The following TLR5 variants were observed in gnomAD, a reference collection of about 807,000 sequenced individuals.
The protein encoded by TLR5 is toll-like receptor 5.
For synonymous variants in TLR5, 373 were observed against 384.4 expected (o/e 0.97, Z 0.35); for missense variants, 944 against 999.8 (o/e 0.94, Z 0.75).
chr1:223,114,403 G>C (rs1314976015), intron 5 of TLR5, among the ~76,000 whole-genome samples: 1 of 152,196 alleles, frequency 6.6e-6, no homozygotes, highest in East Asian at 1.9e-4. Flanking sequence ...AAAGGCCTCT[G>C]TTGGAAGGTA....
intron 5 of TLR5, among the ~76,000 whole-genome samples, chr1:223,113,391 A>C (rs1336094935): frequency 6.6e-6 from 1 of 152,018 alleles, no homozygotes; most frequent in African/African-American, 2.4e-5. Flanking sequence ...TTTTTAGTAG[A>C]AATGGGGTTT....
In TLR5 at chr1:223,111,952, A is replaced by G. The variant is rs766561218; in HGVS notation, c.1080T>C (p.Pro360=). ...ELYSSNFYGL[P]KVAYIDLQKN... is the part of the protein sequence containing the mutation. ...TTTGCAAATCAATGTAGGCTACCTT[A>G]GGTAGTCCATAGAAATTCGAACTGT... Residue 360 remains proline, a synonymous_variant, in exon 6 of 6, where the codon CCT becomes CCC. Coordinates refer to ENST00000642603, the MANE Select transcript of TLR5 (RefSeq NM_003268.6). The G allele has an allele frequency of 3.1e-6, 5 of 1,614,086 alleles. No homozygotes were observed. The African/African-American group carries it at 5.3e-5, about 17-fold the overall frequency.
Position 223,110,681 on chromosome 1 carries a change from T to G in TLR5, c.2351A>C (p.Asn784Thr). The G allele has an allele frequency of 6.2e-7, 1 of 1,614,198 alleles. No homozygotes were observed. The highest frequency in any genetic ancestry group is 8.5e-7 in the Non-Finnish European group (1 of 1,180,022). ...AACCACCACCATGATGAGAGCACTG[T>G]TAAGGTCAGATAAGCACCTGCCCTG... ...YAQGRCLSDL[N>T]SALIMVVVGS... The change falls in exon 6 of 6, where the codon AAC becomes ACC. Residue 784 changes from asparagine to threonine, a missense_variant. Physicochemically the swap from Asn to Thr is moderately conservative, Grantham distance 65. Transcript: ENST00000642603.
chr1:223,117,882 C>CT (rs1429571542), intron 5 of TLR5, among the ~76,000 whole-genome samples: 4 of 152,176 alleles, frequency 2.6e-5, no homozygotes, highest in African/African-American at 9.6e-5. Context: ...TTATTCTGAG[C>CT]TAAATATGAG....
rs376645434 is a variant in TLR5, at chr1:223,111,403, G to C, written c.1629C>G (p.His543Gln). The change falls in exon 6 of 6, where the codon CAC (histidine) becomes CAG (glutamine). Residue 543 changes from histidine (H) to glutamine (Q), a missense_variant. His to Gln is a conservative substitution (Grantham distance 24). Coordinates refer to ENST00000642603, the MANE Select transcript of TLR5 (RefSeq NM_003268.6). ...TCTCTAAATTAGCAGGTAAATCATT[G>C]TGAGAAAGAACTGTCAGCCTGTTGG... is the stretch of plus-strand genomic sequence containing the variant. ...LNSNRLTVLS[H>Q]NDLPANLEIL... The C allele has an allele frequency of 8.7e-6, 14 of 1,614,190 alleles. No individual in the cohort carries two copies. Among genetic ancestry groups the C allele is most frequent in the Non-Finnish European group, 1.2e-5 (14 of 1,180,028 alleles).
chr1:223,115,715 A>C (rs1352724038), intron 5 of TLR5, among the ~76,000 whole-genome samples: 1 of 152,196 alleles, frequency 6.6e-6, no homozygotes, highest in East Asian at 1.9e-4. Context: ...AAAGTGGGAA[A>C]AAGGAGATGG....
intron 5 of TLR5, among the ~76,000 whole-genome samples, chr1:223,121,581 C>T (rs143508207): frequency 6.9e-4 from 105 of 152,274 alleles, no homozygotes; most frequent in African/African-American, 2.4e-3. Flanking sequence ...TGCAGTGGTG[C>T]GATTACAGCT....
At chr1:223,119,953 T>C (rs1407877336) in intron 5 of TLR5, among the ~76,000 whole-genome samples, 1 of 62,876 alleles carries the variant, frequency 1.6e-5, no homozygotes, top group Non-Finnish European at 2.6e-5. Context: ...GTCTCAAAAA[T>C]AAAATAAAAT....
chr1:223,122,591 G>A (rs1402093362), intron 5 of TLR5, among the ~76,000 whole-genome samples: 1 of 152,194 alleles, frequency 6.6e-6, no homozygotes, highest in Non-Finnish European at 1.5e-5. Context: ...CTTATAGTAT[G>A]AAGTAGATTC....
chr1:223,139,035 C>T (rs1048657815), intron 2 of TLR5, among the ~76,000 whole-genome samples: 1 of 152,226 alleles, frequency 6.6e-6, no homozygotes, highest in East Asian at 1.9e-4. Flanking sequence ...ACTTTGCTCC[C>T]CCTTGCCTTC....
chr1:223,116,282 G>A (rs1235108343), intron 5 of TLR5, among the ~76,000 whole-genome samples: 3 of 152,188 alleles, frequency 2.0e-5, no homozygotes, highest in Non-Finnish European at 4.4e-5. Flanking sequence ...TCCTTCTGAT[G>A]TTTGGACGTG....
At position 223,111,851 on chromosome 1, in the gene TLR5, T is replaced by C; in HGVS notation, c.1181A>G (p.Asn394Ser). Residue 394 changes from asparagine to serine, a missense_variant, in exon 6 of 6, where the codon AAT becomes AGT. By Grantham distance (46) the Asn-to-Ser change is conservative. Transcript: ENST00000642603. ...EKLQTLDLRD[N>S]ALTTIHFIPS... ...AATAAAATGAATGGTTGTAAGAGCA[T>C]TGTCTCGGAGATCCAAGGTCTGTAA... 6.2e-7 allele frequency: 1 copy of C among 1,613,938 alleles called. No homozygotes were observed.
At chr1:223,126,050 C>T (rs565125629) in intron 5 of TLR5, among the ~76,000 whole-genome samples, 12 of 152,330 alleles carry the variant, frequency 7.9e-5, no homozygotes, top group African/African-American at 2.9e-4. Context: ...GATATTTGCA[C>T]ACCAATATTC....
intron 3 of TLR5, among the ~76,000 whole-genome samples, chr1:223,136,503 G>T (rs1474692433): frequency 6.6e-6 from 1 of 152,190 alleles, no homozygotes; most frequent in East Asian, 1.9e-4. Flanking sequence ...ATCTGTGCAT[G>T]CTAGAGATTC....
Position 223,112,006 on chromosome 1 carries a change from A to G in TLR5, c.1026T>C (p.Asn342=). The part of the protein sequence containing the change: ...FYGLDNLQVL[N]LSYNLLGELY... The stretch of plus-strand genomic sequence containing the variant: ...GTTCCCCCAGAAGGTTATATGACAA[A>G]TTGAGAACTTGGAGGTTGTCAAGTC... The change falls in exon 6 of 6, where the codon AAT becomes AAC. Residue 342 remains asparagine, a synonymous_variant. Transcript: ENST00000642603. 1.2e-6 allele frequency: 2 copies of G among 1,614,228 alleles called. No individual in the cohort carries two copies. The highest frequency in any genetic ancestry group is 1.7e-6 in the Non-Finnish European group (2 of 1,180,040).
intron 5 of TLR5, among the ~76,000 whole-genome samples, chr1:223,115,089 C>A (rs1203415362): frequency 6.6e-6 from 1 of 152,182 alleles, no homozygotes; most frequent in African/African-American, 2.4e-5. Context: ...CCTCTTTGTA[C>A]AGGGCCCTTC....
chr1:223,123,186 C>T (rs1478613451), intron 5 of TLR5, among the ~76,000 whole-genome samples: 1 of 152,194 alleles, frequency 6.6e-6, no homozygotes, highest in African/African-American at 2.4e-5. Context: ...AAATTCTCAT[C>T]TCATGAAACC....
At chr1:223,127,926 G>A (rs1279215449) in intron 5 of TLR5, 4 of 152,528 alleles carry the variant, frequency 2.6e-5, no homozygotes, top group East Asian at 3.9e-4. Context: ...TGGGCTTAGC[G>A]AGCAATGCAA....
In TLR5 at chr1:223,109,471, C is replaced by CCA. The variant is rs1656215397; in HGVS notation, c.*983_*984insTG. 1 of 151,782 alleles carries CCA rather than the reference C, an allele frequency of 6.6e-6. No homozygotes were observed. The highest frequency in any genetic ancestry group is 6.6e-5 in the Admixed American group (1 of 15,244). 9.4% of individuals were successfully genotyped at this position (151,782 alleles called of 1,614,324 possible). Reference sequence around the variant, plus strand: ...CTTCAGTGAAATTGCAACTGCCCCCCAGGAGGCCTTCAGTGTATGTGTTCT... The same window carrying CCA: ...CTTCAGTGAAATTGCAACTGCCCCCCCAAGGAGGCCTTCAGTGTATGTGTTCT... On this transcript the variant is annotated 3_prime_UTR_variant, in exon 6 of 6. Transcript: ENST00000642603.
Sources: gnomAD v4.1 joint callset for allele counts (sites outside exome capture counted in the v4.1 genomes callset) on GRCh38, gnomAD v4.1.1 for gene constraint, MANE v1.5 for transcripts, NCBI Gene and HGNC (gene_info 2026-07-23, HGNC 2026-07-21) for gene names.